The following MALRD1 variants were observed in gnomAD, a reference collection of about 807,000 sequenced individuals.
MALRD1 encodes the protein MAM and LDL receptor class A domain containing 1.
A neutral mutation model predicts 242.1 loss-of-function variants in MALRD1; 247 were observed. The observed-to-expected ratio is 1.02, with a 90% confidence interval of 0.92 to 1.13. MALRD1 has a LOEUF of 1.13. Ranked by LOEUF, MALRD1 falls within the 50% of genes most tolerant of loss-of-function variation. The pLI, the probability that MALRD1 is intolerant of heterozygous loss-of-function variation, is 0.00. For synonymous variants in MALRD1, 995 were observed against 866.6 expected, an observed-to-expected ratio of 1.15 and a Z score of -2.60; for missense variants, 2,989 against 2,533.1, an observed-to-expected ratio of 1.18 and a Z score of -3.86.
intron 32 of MALRD1, among the ~76,000 whole-genome samples, chr10:19,539,958 G>A (rs1014270446): frequency 1.3e-5 from 2 of 149,890 alleles, no homozygotes; most frequent in African/African-American, 4.9e-5. Flanking sequence ...GCCCAGGCTG[G>A]TCTTGAACTC....
chr10:19,706,064 T>C (rs1833852333), intron 38 of MALRD1, among the ~76,000 whole-genome samples: 1 of 152,040 alleles, frequency 6.6e-6, no homozygotes, highest in African/African-American at 2.4e-5. Flanking sequence ...GCAATTTGGA[T>C]GGATGAATTC....
chr10:19,171,444 ATATATAT>A (rs1834925556), intron 13 of MALRD1, among the ~76,000 whole-genome samples: 1 of 130,536 alleles, frequency 7.7e-6, no homozygotes. Context: ...ATATATATAT[ATATATAT>A]ATATATACAC....
chr10:19,324,646 GA>G (rs944071341), intron 22 of MALRD1, among the ~76,000 whole-genome samples: 33 of 142,302 alleles, frequency 2.3e-4, no homozygotes, highest in Middle Eastern at 4.0e-3. Context: ...GTCCCCTATA[GA>G]AAAAAAAAAT....
At chr10:19,112,565 C>T (rs545732755) in intron 5 of MALRD1, among the ~76,000 whole-genome samples, 9 of 152,192 alleles carry the variant, frequency 5.9e-5, no homozygotes, top group South Asian at 2.1e-4. Context: ...TACTACCTTA[C>T]GCTTGTCACT....
chr10:19,645,127 A>G (rs1292177464), intron 36 of MALRD1, among the ~76,000 whole-genome samples: 1 of 152,178 alleles, frequency 6.6e-6, no homozygotes, highest in Non-Finnish European at 1.5e-5. Flanking sequence ...TGAATTCAGT[A>G]TATAAGAAAT....
At chr10:19,233,848 CT>C (rs10715312) in intron 18 of MALRD1, among the ~76,000 whole-genome samples, 59,164 of 150,212 alleles carry the variant, frequency 0.39, 11,777 homozygotes, top group Admixed American at 0.54. Flanking sequence ...CAATTGGTTT[CT>C]TTTTTTTTAA....
intron 29 of MALRD1, among the ~76,000 whole-genome samples, chr10:19,490,596 A>T (rs908997121): frequency 6.6e-6 from 1 of 152,066 alleles, no homozygotes; most frequent in African/African-American, 2.4e-5. Flanking sequence ...AAACCAAAAC[A>T]ACACTAACTG....
At chr10:19,270,807 A>AACACACACACACACACAC (rs71387059) in intron 19 of MALRD1, among the ~76,000 whole-genome samples, 1 of 145,054 alleles carries the variant, frequency 6.9e-6, no homozygotes. Context: ...TTCAAAGGAT[A>AACACACACACACACACAC]ACACACACAC....
chr10:19,510,470 G>A (rs540593064), intron 31 of MALRD1, among the ~76,000 whole-genome samples: 28 of 152,204 alleles, frequency 1.8e-4, no homozygotes, highest in African/African-American at 6.3e-4. Flanking sequence ...GCAGCCTTCC[G>A]CAGTGTTTTA....
intron 19 of MALRD1, among the ~76,000 whole-genome samples, chr10:19,269,111 A>G (rs1039138303): frequency 6.6e-6 from 1 of 152,192 alleles, no homozygotes; most frequent in African/African-American, 2.4e-5. Flanking sequence ...ATTGCTACCA[A>G]CTTTAGCCTT....
intron 33 of MALRD1, among the ~76,000 whole-genome samples, chr10:19,579,295 C>G (rs1193614343): frequency 1.3e-5 from 2 of 152,162 alleles, no homozygotes; most frequent in African/African-American, 4.8e-5. Context: ...GCCCATGTCA[C>G]TAAATGATTT....
chr10:19,362,147 G>T (rs80353564), intron 26 of MALRD1, among the ~76,000 whole-genome samples: 2,614 of 152,136 alleles, frequency 0.017, 74 homozygotes, highest in African/African-American at 0.06. Context: ...CGTGAGTCAA[G>T]AATTTAAGAG....
At chr10:19,614,554 A>G (rs1400122232) in intron 35 of MALRD1, among the ~76,000 whole-genome samples, 1 of 152,002 alleles carries the variant, frequency 6.6e-6, no homozygotes, top group Non-Finnish European at 1.5e-5. Context: ...TCTTAACTGA[A>G]TAGGGGAATT....
chr10:19,208,928 C>T (rs1048866710), intron 17 of MALRD1, among the ~76,000 whole-genome samples: 2 of 152,070 alleles, frequency 1.3e-5, no homozygotes, highest in Non-Finnish European at 2.9e-5. Context: ...ATCTACTGAG[C>T]CAGAAGTTTC....
chr10:19,513,439 T>G (rs1327599427), intron 31 of MALRD1, among the ~76,000 whole-genome samples: 1 of 151,816 alleles, frequency 6.6e-6, no homozygotes, highest in African/African-American at 2.4e-5. Flanking sequence ...TTTTTTTTTT[T>G]TTGAAAATTA....
At position 19,186,208 on chromosome 10, in the gene MALRD1, A is replaced by T. The variant is rs147374660; in HGVS notation, c.1951+10880A>T. Among the ~76,000 whole-genome samples, 4 of 152,286 alleles carry T rather than the reference A, an allele frequency of 2.6e-5. No individual in the cohort carries two copies. The East Asian group carries it at 7.7e-4, about 29-fold the overall frequency. Reference sequence around the variant, plus strand: ...TTTTTCCTTAGTAAACTGGATTTCCATTCTCTTCTCATTGTCCTCAAGTTT... The same window carrying T: ...TTTTTCCTTAGTAAACTGGATTTCCTTTCTCTTCTCATTGTCCTCAAGTTT... On this transcript the variant is annotated intron_variant, in intron 14 of 39. Coordinates refer to ENST00000454679, the MANE Select transcript of MALRD1 (RefSeq NM_001142308.3).
At position 19,498,633 on chromosome 10, in the gene MALRD1, T is replaced by G. The variant is rs1421849173; in HGVS notation, c.5307T>G (p.Ser1769=). ...RIPAKALIPD[S]DHTPGSGQHF... ...CTGCCAAAGCATTAATTCCAGACTCTGATCACACGCCAGGTAAATCTAGTA... is the reference window on the plus strand; with the variant it reads ...CTGCCAAAGCATTAATTCCAGACTCGGATCACACGCCAGGTAAATCTAGTA... Residue 1769 remains serine (S), a synonymous_variant, in exon 31 of 40, where the codon TCT becomes TCG. Coordinates refer to ENST00000454679, the MANE Select transcript of MALRD1 (RefSeq NM_001142308.3). The G allele has an allele frequency of 2.6e-6, 4 of 1,549,506 alleles. No homozygotes were observed. The highest frequency in any genetic ancestry group is 3.5e-6 in the Non-Finnish European group (4 of 1,146,470).
intron 2 of MALRD1, among the ~76,000 whole-genome samples, chr10:19,076,414 C>T (rs1200952130): frequency 6.6e-6 from 1 of 151,986 alleles, no homozygotes; most frequent in Non-Finnish European, 1.5e-5. Context: ...TAGACTTACA[C>T]TTACAGTTCC....
chr10:19,554,581 C>T (rs1352518499), intron 32 of MALRD1, among the ~76,000 whole-genome samples: 2 of 152,004 alleles, frequency 1.3e-5, no homozygotes, highest in East Asian at 1.9e-4. Flanking sequence ...GTGTGTTGTC[C>T]CATTCTTTGT....
Sources: gnomAD v4.1 joint callset for allele counts (sites outside exome capture counted in the v4.1 genomes callset) on GRCh38, gnomAD v4.1.1 for gene constraint, MANE v1.5 for transcripts, NCBI Gene and HGNC (gene_info 2026-07-23, HGNC 2026-07-21) for gene names.